The following CCAR2 variants were observed in gnomAD, a reference collection of about 807,000 sequenced individuals.
CCAR2 encodes cell cycle and apoptosis regulator 2.
Under a neutral mutation model 108.1 loss-of-function variants are expected in CCAR2, and 21 were observed. The observed-to-expected ratio is 0.19, with a 90% CI of 0.14 to 0.28. The LOEUF (loss-of-function observed/expected upper bound fraction) is 0.28, where lower values mean the gene tolerates loss of function less well. Among genes scored for constraint, CCAR2 ranks in the 10% least tolerant of loss-of-function variants. CCAR2 has a pLI of 1.00. For missense variants in CCAR2, 1,126 were observed against 1,177.0 expected (o/e 0.96, Z 0.63); for synonymous variants, 577 against 472.8 (o/e 1.22, Z -2.86).
At position 22,614,381 on chromosome 8, in the gene CCAR2, C is replaced by T. The variant is rs200771551; in HGVS notation, c.928-9C>T. ...CTGAAGGCAGCTCTGAGTGTCTCCT[C>T]CTGCACAGGTACTGCTGCTCTCTTC... On this transcript the variant is annotated splice_polypyrimidine_tract_variant and intron_variant, in intron 9 of 20. Coordinates refer to ENST00000308511, the MANE Select transcript of CCAR2 (RefSeq NM_001393997.1). The T allele has an allele frequency of 3.2e-5, 52 of 1,613,894 alleles. No individual in the cohort carries two copies. The highest frequency in any genetic ancestry group is 4.1e-5 in the Non-Finnish European group (48 of 1,179,878).
chr8:22,609,042 CTTTTTTTTTCTTTT>C (rs1223870762), intron 7 of CCAR2, among the ~76,000 whole-genome samples: 1 of 134,872 alleles, frequency 7.4e-6, no homozygotes, highest in Non-Finnish European at 1.6e-5. Context: ...ACCCTTAACC[CTTTTTTTTTCTTTT>C]TTTTTTTTTT....
chr8:22,615,235 G>A, intron 11 of CCAR2, 190 bp from the exon 12 acceptor site: 2 of 853,530 alleles, frequency 2.3e-6, no homozygotes, highest in Non-Finnish European at 3.5e-6. Flanking sequence ...TGCTTGTGTG[G>A]TTGCGGCCTC....
chr8:22,619,098 T>C, intron 19 of CCAR2, 52 bp from the exon 20 acceptor site: 1 of 1,599,466 alleles, frequency 6.3e-7, no homozygotes, highest in Non-Finnish European at 8.5e-7. Context: ...CCCTGCCCTG[T>C]GCTCTGGGCC....
In CCAR2 at chr8:22,614,255, G is replaced by C; in HGVS notation, c.868G>C (p.Ala290Pro). The C allele has an allele frequency of 6.2e-7, 1 of 1,614,118 alleles. No individual in the cohort carries two copies. Residue 290 changes from alanine to proline, a missense_variant, in exon 9 of 21, where the codon GCT (alanine) becomes CCT (proline). Around this residue, in one of 4 missense-constraint regions of CCAR2, gnomAD observed 1,013 missense variants for 993.9 expected, o/e 1.02. Transcript: ENST00000308511. ...CCAGGTCTCTTCTGAAAAGGAGGCA[G>C]CTCCAGACGCTGGTGCTGAGCCCAT... is the stretch of plus-strand genomic sequence containing the variant. The part of the protein sequence containing the change: ...RIQVSSEKEA[A>P]PDAGAEPITA...
chr8:22,609,186 G>T lies in CCAR2; in HGVS notation c.584+1121G>T, dbSNP rs544175635. ...CTGCCTCGGCCTCCGCAGTAGCTGG[G>T]ACTGCAGGTGTGCACCACCATGCTG... On this transcript the variant is annotated intron_variant, in intron 7 of 20. Transcript: ENST00000308511. Among the ~76,000 whole-genome samples the T allele has an allele frequency of 7.9e-5, 12 of 152,218 alleles. No individual in the cohort carries two copies. The South Asian group carries it at 1.2e-3, about 16-fold the overall frequency.
rs1801453050 is a variant in CCAR2, at chr8:22,615,227, C to T, written c.1206-198C>T. ...AGTTGTCCTTGCACCTTGTAGGGTG[C>T]TTGTGTGGTTGCGGCCTCCCCACTG... On this transcript the variant is annotated intron_variant, in intron 11 of 20. Coordinates refer to ENST00000308511, the MANE Select transcript of CCAR2 (RefSeq NM_001393997.1). 4.7e-6 allele frequency: 4 copies of T among 847,678 alleles called. No homozygotes were observed. In the South Asian group the frequency reaches 7.1e-5, roughly 15 times the overall value. The allele number at this position is 847,678 out of a possible 1,614,324, so 52.5% of individuals were successfully genotyped here.
In CCAR2 at chr8:22,607,954, A is replaced by G. The variant is rs1801141615; in HGVS notation, c.488-15A>G. The G allele has an allele frequency of 6.2e-7, 1 of 1,612,560 alleles. No homozygotes were observed. Among genetic ancestry groups the G allele is most frequent in the African/African-American group, 1.3e-5 (1 of 74,828 alleles). ...TTTTAGGGTTTTTGAGTCACCAGTCATTTCCTTTCTGCAGCTCTGAGTCTC... is the reference window on the plus strand; with the variant it reads ...TTTTAGGGTTTTTGAGTCACCAGTCGTTTCCTTTCTGCAGCTCTGAGTCTC... On this transcript the variant is annotated splice_polypyrimidine_tract_variant and intron_variant, in intron 6 of 20. Transcript: ENST00000308511.
intron 14 of CCAR2, among the ~76,000 whole-genome samples, chr8:22,616,811 C>T (rs1415418161): frequency 7.3e-6 from 1 of 137,454 alleles, no homozygotes; most frequent in African/African-American, 2.7e-5. Context: ...GTAAGACTCT[C>T]TGTCTCAAAA....
rs1801686712 is a variant in CCAR2, at chr8:22,619,717, G to C, written c.*35G>C. The C allele has an allele frequency of 6.4e-7, 1 of 1,553,096 alleles. No individual in the cohort carries two copies. Among genetic ancestry groups the C allele is most frequent in the Admixed American group, 1.9e-5 (1 of 51,562 alleles). ...ACGGAACTGCCATCCTGTGAGGGCAGCGGTGGCGCCCGGCAAAGTTGGAGC... is the reference window on the plus strand; with the variant it reads ...ACGGAACTGCCATCCTGTGAGGGCACCGGTGGCGCCCGGCAAAGTTGGAGC... On this transcript the variant is annotated 3_prime_UTR_variant, in exon 21 of 21. Coordinates refer to ENST00000308511, the MANE Select transcript of CCAR2 (RefSeq NM_001393997.1).
chr8:22,614,236 C>G lies in CCAR2; in HGVS notation c.849C>G (p.Val283=). 6.2e-7 allele frequency: 1 copy of G among 1,614,116 alleles called. No homozygotes were observed. Among genetic ancestry groups the G allele is most frequent in the Non-Finnish European group, 8.5e-7 (1 of 1,180,042 alleles). ...TCCATCATCCAAGCCGGATCCAGGT[C>G]TCTTCTGAAAAGGAGGCAGCTCCAG... ...FSLHHPSRIQ[V]SSEKEAAPDA... The change falls in exon 9 of 21, where the codon GTC becomes GTG. Residue 283 remains valine (V), a synonymous_variant. Transcript: ENST00000308511.
At position 22,619,992 on chromosome 8, in the gene CCAR2, GTCC is replaced by G. The variant is rs1801704712; in HGVS notation, c.*313_*315del. On this transcript the variant is annotated 3_prime_UTR_variant, in exon 21 of 21. Transcript: ENST00000308511. Reference sequence around the variant, plus strand: ...TTTAGTCTTGTGCTGACTTTCTCCTGTCCTCTTCCAGTTTAGAATAAGACAGGG... The same window carrying G: ...TTTAGTCTTGTGCTGACTTTCTCCTGTCTTCCAGTTTAGAATAAGACAGGG... 1 of 416,166 alleles carries G rather than the reference GTCC, an allele frequency of 2.4e-6. No individual in the cohort carries two copies. The highest frequency in any genetic ancestry group is 4.4e-6 in the Non-Finnish European group (1 of 225,694). The allele number at this position is 416,166 out of a possible 1,614,324, so 25.8% of individuals were successfully genotyped here. A position where few individuals can be genotyped will look rare whatever the true frequency, so the allele number is the denominator to read the frequency against.
chr8:22,608,116 CTTTAT>C (rs773075962), intron 7 of CCAR2, 51 bp downstream of exon 7: 19 of 1,375,290 alleles, frequency 1.4e-5, no homozygotes, highest in East Asian at 6.9e-5. Context: ...CTAACATTCT[CTTTAT>C]TTTATTATTA....
Position 22,606,637 on chromosome 8 carries a change from A to G in CCAR2, c.181A>G (p.Ile61Val). Reference protein sequence around the residue: ...GGEKQRVFTGIVTSLHDYFGV... With the variant: ...GGEKQRVFTGVVTSLHDYFGV... ...GGAGAAACAGCGGGTCTTCACTGGT[A>G]TTGTTACCAGCTTGCATGACTACTT... Residue 61 changes from isoleucine to valine, a missense_variant, in exon 4 of 21, where the codon ATT becomes GTT. This residue lies in a region of CCAR2 where 17 missense variants were observed against 56.1 expected (regional missense o/e 0.30). Coordinates refer to ENST00000308511, the MANE Select transcript of CCAR2 (RefSeq NM_001393997.1). The G allele has an allele frequency of 1.2e-6, 2 of 1,614,040 alleles. No homozygotes were observed. Among genetic ancestry groups the G allele is most frequent in the Non-Finnish European group, 1.7e-6 (2 of 1,179,988 alleles).
chr8:22,619,746 T>C lies in CCAR2; in HGVS notation c.*64T>C. The C allele has an allele frequency of 2.6e-6, 4 of 1,521,832 alleles. No individual in the cohort carries two copies. The highest frequency in any genetic ancestry group is 3.6e-6 in the Non-Finnish European group (4 of 1,123,768). 94.3% of individuals were successfully genotyped at this position (1,521,832 alleles called of 1,614,324 possible). ...TGGCGCCCGGCAAAGTTGGAGCCCT[T>C]GCGGTACCAGAAAGCAGCGAGAGCG... is the stretch of plus-strand genomic sequence containing the variant. On this transcript the variant is annotated 3_prime_UTR_variant, in exon 21 of 21. Transcript: ENST00000308511.
intron 1 of CCAR2, 185 bp from the exon 2 acceptor site, chr8:22,605,551 T>A (rs764438423): frequency 5.2e-6 from 3 of 581,650 alleles, no homozygotes; most frequent in Non-Finnish European, 9.2e-6. Flanking sequence ...CAGGGCAAAC[T>A]GGAACAATGT....
rs1287548545 is a variant in CCAR2 at position 22,615,811 on chromosome 8, C to G, written c.1507C>G (p.Pro503Ala). ...TDTDLPEAPP[P>A]PLEPAVIARP... The stretch of plus-strand genomic sequence containing the variant: ...CACTGATCTCCCAGAGGCCCCTCCA[C>G]CCCCCCTAGAACCTGCTGTCATCGC... The change falls in exon 13 of 21, where the codon CCC becomes GCC. Residue 503 changes from proline (P) to alanine (A), a missense_variant. Pro to Ala is a conservative substitution (Grantham distance 27). Transcript: ENST00000308511. 6.2e-7 allele frequency: 1 copy of G among 1,613,862 alleles called. No homozygotes were observed. The highest frequency in any genetic ancestry group is 2.2e-5 in the East Asian group (1 of 44,868).
In CCAR2 at chr8:22,618,457, A is replaced by G. The variant is rs752496629; in HGVS notation, c.2182A>G (p.Ile728Val). The G allele has an allele frequency of 1.5e-5, 24 of 1,613,944 alleles. No homozygotes were observed. The highest frequency in any genetic ancestry group is 1.1e-4 in the African/African-American group (8 of 74,882). ...GYLHRRDLER[I>V]LLTLGIRLSA... ...CTTGCACCGGCGAGACTTAGAGAGG[A>G]TCCTCCTTACCCTTGGGATCCGGCT... Residue 728 changes from isoleucine to valine, a missense_variant, in exon 17 of 21, where the codon ATC (isoleucine) becomes GTC (valine). This residue lies in a region of CCAR2 where 1,013 missense variants were observed against 993.9 expected (regional missense o/e 1.02). Coordinates refer to ENST00000308511, the MANE Select transcript of CCAR2 (RefSeq NM_001393997.1).
chr8:22,607,191 T>C lies in CCAR2; in HGVS notation c.358-5T>C, dbSNP rs777319132. The C allele has an allele frequency of 3.1e-6, 5 of 1,613,954 alleles. No individual in the cohort carries two copies. In the East Asian group the frequency reaches 1.1e-4, roughly 36 times the overall value. The stretch of plus-strand genomic sequence containing the variant: ...CCCCTGAATTTCCTGGCTCCTGTTC[T>C]GCAGCCCCTACTGAAGTCCCCAGCA... On this transcript the variant is annotated splice_polypyrimidine_tract_variant and splice_region_variant and intron_variant, in intron 5 of 20. Transcript: ENST00000308511.
At chr8:22,620,796 C>T (rs1801764436), downstream of CCAR2, 2 of 152,284 alleles carry the variant, frequency 1.3e-5, no homozygotes, top group South Asian at 4.1e-4. Context: ...TGCTTTGAGA[C>T]CTGTGAATTC....
Sources: allele counts gnomAD v4.1 joint callset (sites outside exome capture counted in the v4.1 genomes callset), GRCh38; gene constraint gnomAD v4.1.1; regional missense constraint gnomAD v4.1.1; transcripts MANE v1.5; gene names NCBI Gene and HGNC (gene_info 2026-07-23, HGNC 2026-07-21).